The following GPM6A variants were observed in gnomAD, a reference collection of about 807,000 sequenced individuals.
The protein encoded by GPM6A is glycoprotein M6A.
GPM6A carries 7 observed loss-of-function variants against 32.1 expected under a neutral mutation model. That is an observed-to-expected ratio of 0.22 (90% CI 0.12 to 0.41). GPM6A has a LOEUF of 0.41. Among genes scored for constraint, GPM6A ranks in the 10% least tolerant of loss-of-function variants. The pLI is 1.00. For missense variants in GPM6A, 235 were observed against 347.2 expected (o/e 0.68, Z 2.57); for synonymous variants, 130 against 123.4 (o/e 1.05, Z -0.35).
chr4:175,897,825 A>G (rs530947282), intron 1 of GPM6A, among the ~76,000 whole-genome samples: 1 of 152,330 alleles, frequency 6.6e-6, no homozygotes, highest in African/African-American at 2.4e-5. Flanking sequence ...AAATCAGCCT[A>G]GATTTCAGAA....
chr4:175,730,595 T>C lies in GPM6A; in HGVS notation c.38-28828A>G, dbSNP rs542735493. Among the ~76,000 whole-genome samples, 31 of 152,080 alleles carry C rather than the reference T, an allele frequency of 2.0e-4. No homozygotes were observed. In the East Asian group the frequency reaches 3.9e-3, roughly 19 times the overall value. On this transcript the variant is annotated intron_variant, in intron 1 of 6. Transcript: ENST00000393658. The stretch of plus-strand genomic sequence containing the variant: ...ACGCCATTCTCCTGCCTCAGCCTCC[T>C]GAGTAGGTGGGACTACAGGCGCCCG...
intron 1 of GPM6A, among the ~76,000 whole-genome samples, chr4:175,959,215 G>A (rs1303318730): frequency 1.3e-5 from 2 of 152,022 alleles, no homozygotes; most frequent in Admixed American, 1.3e-4. Context: ...GGTAGATGGG[G>A]CCAGGAACTC....
At chr4:175,927,982 T>C (rs1738902862) in intron 1 of GPM6A, among the ~76,000 whole-genome samples, 1 of 152,212 alleles carries the variant, frequency 6.6e-6, no homozygotes, top group East Asian at 1.9e-4. Context: ...AGACTCTTCT[T>C]GCCTTTAGTT....
At chr4:175,690,940 T>C (rs987564214) in intron 2 of GPM6A, among the ~76,000 whole-genome samples, 3 of 152,224 alleles carry the variant, frequency 2.0e-5, no homozygotes, top group African/African-American at 4.8e-5. Flanking sequence ...TCAAACAATG[T>C]GGTGATGGAC....
intron 1 of GPM6A, among the ~76,000 whole-genome samples, chr4:175,734,763 C>T (rs1731590434): frequency 6.6e-6 from 1 of 151,954 alleles, no homozygotes; most frequent in African/African-American, 2.4e-5. Flanking sequence ...ATCCCAGCTA[C>T]TCGGGAGGCT....
intron 1 of GPM6A, among the ~76,000 whole-genome samples, chr4:175,984,803 T>C (rs1740925111): frequency 6.6e-6 from 1 of 152,158 alleles, no homozygotes; most frequent in South Asian, 2.1e-4. Flanking sequence ...GGGATATGTG[T>C]GAGGCAGTAA....
chr4:175,688,212 T>C (rs998534694), intron 2 of GPM6A, among the ~76,000 whole-genome samples: 3 of 152,202 alleles, frequency 2.0e-5, no homozygotes, highest in African/African-American at 7.2e-5. Context: ...CTAGTCACAC[T>C]TGTCTATTAT....
At chr4:175,802,502 C>A (rs910161145) in intron 1 of GPM6A, among the ~76,000 whole-genome samples, 8 of 151,960 alleles carry the variant, frequency 5.3e-5, no homozygotes, top group Non-Finnish European at 1.5e-5. Flanking sequence ...AATACAAAAA[C>A]TAAAATAAAG....
At chr4:175,777,329 C>T (rs955706367) in intron 1 of GPM6A, among the ~76,000 whole-genome samples, 2 of 151,902 alleles carry the variant, frequency 1.3e-5, no homozygotes, top group African/African-American at 4.8e-5. Context: ...CCTTGGCACA[C>T]CTGTTTATTA....
chr4:175,930,190 T>A (rs1490000995), intron 1 of GPM6A, among the ~76,000 whole-genome samples: 2 of 152,144 alleles, frequency 1.3e-5, no homozygotes, highest in Admixed American at 1.3e-4. Flanking sequence ...ACAAGGCATC[T>A]TCTTTCGTTA....
chr4:175,842,737 C>G (rs1266472653), intron 1 of GPM6A, among the ~76,000 whole-genome samples: 3 of 152,012 alleles, frequency 2.0e-5, no homozygotes, highest in Non-Finnish European at 4.4e-5. Context: ...AAACATAGTT[C>G]TTTACATTTC....
chr4:175,929,799 T>C (rs138754806), intron 1 of GPM6A, among the ~76,000 whole-genome samples: 176 of 152,270 alleles, frequency 1.2e-3, no homozygotes, highest in African/African-American at 4.0e-3. Context: ...TATAAACTAT[T>C]AAATTATAAA....
At position 175,772,481 on chromosome 4, in the gene GPM6A, T is replaced by C. The variant is rs376940989; in HGVS notation, c.37+39710A>G. On this transcript the variant is annotated intron_variant, in intron 1 of 6. Coordinates refer to ENST00000393658, the MANE Select transcript of GPM6A (RefSeq NM_201591.3). Reference sequence around the variant, plus strand: ...GTGTTTCATCCAGAAATGTCACAAATAGATCACAGAAGAAGGAGCTTGAGA... The same window carrying C: ...GTGTTTCATCCAGAAATGTCACAAACAGATCACAGAAGAAGGAGCTTGAGA... 1.5e-4 allele frequency among the ~76,000 whole-genome samples: 23 copies of C among 152,272 alleles called. No individual in the cohort carries two copies. In the South Asian group the frequency reaches 4.8e-3, roughly 32 times the overall value.
chr4:175,823,326 C>A (rs1405457579), intron 1 of GPM6A, among the ~76,000 whole-genome samples: 1 of 152,186 alleles, frequency 6.6e-6, no homozygotes, highest in East Asian at 1.9e-4. Flanking sequence ...TATAACTTAT[C>A]TGAAAAGTGG....
rs564613520 is a variant in GPM6A, at chr4:175,659,288, C to T, written c.388-7301G>A. 2.0e-5 allele frequency among the ~76,000 whole-genome samples: 3 copies of T among 152,160 alleles called. No individual in the cohort carries two copies. In the East Asian group the frequency reaches 5.8e-4, roughly 29 times the overall value. ...AGAGACGCGGTTTCACCATGTTGCC[C>T]AGGCTGGTCACAAACTCCTGAGCTC... is the stretch of plus-strand genomic sequence containing the variant. On this transcript the variant is annotated intron_variant, in intron 3 of 6. Transcript: ENST00000393658.
chr4:175,756,548 T>C (rs1476299005), intron 1 of GPM6A, among the ~76,000 whole-genome samples: 3 of 152,062 alleles, frequency 2.0e-5, no homozygotes, highest in African/African-American at 7.2e-5. Flanking sequence ...GAACCATTCA[T>C]TGGGTTTGAC....
At chr4:175,637,113 G>GTGATATATAATATATAATATATTATATA (rs1560841414) in intron 6 of GPM6A, among the ~76,000 whole-genome samples, 2 of 94,778 alleles carry the variant, frequency 2.1e-5, no homozygotes, top group Non-Finnish European at 4.1e-5. Flanking sequence ...TATATTATAT[G>GTGATATATAATATATAATATATTATATA]TGATATATAA....
intron 1 of GPM6A, among the ~76,000 whole-genome samples, chr4:175,913,011 TG>T (rs1250386122): frequency 2.0e-5 from 3 of 152,330 alleles, no homozygotes; most frequent in Non-Finnish European, 4.4e-5. Context: ...CATACGTATA[TG>T]GCAAACTGGT....
At chr4:175,681,512 T>A (rs1477884303) in intron 2 of GPM6A, among the ~76,000 whole-genome samples, 1 of 152,232 alleles carries the variant, frequency 6.6e-6, no homozygotes, top group African/African-American at 2.4e-5. Context: ...GTTGATAGTT[T>A]AGATATTTGT....
Sources: gnomAD v4.1 joint callset for allele counts (sites outside exome capture counted in the v4.1 genomes callset) on GRCh38, gnomAD v4.1.1 for gene constraint, MANE v1.5 for transcripts, NCBI Gene and HGNC (gene_info 2026-07-23, HGNC 2026-07-21) for gene names.